The following JAK1 variants were observed in gnomAD, a reference collection of about 807,000 sequenced individuals.
JAK1 encodes the protein Janus kinase 1, also known as tyrosine-protein kinase JAK1.
JAK1 carries 16 observed loss-of-function variants against 136.6 expected under a neutral mutation model. That is an observed-to-expected ratio of 0.12 (90% confidence interval 0.08 to 0.18). The LOEUF (loss-of-function observed/expected upper bound fraction) is 0.18. JAK1 is among the 10% of genes least tolerant of loss of function. The pLI, the probability that JAK1 is intolerant of heterozygous loss-of-function variation, is 1.00. For synonymous variants in JAK1, 492 were observed against 519.5 expected (o/e 0.95, Z 0.72); for missense variants, 859 against 1,450.1 (o/e 0.59, Z 6.62).
intron 2 of JAK1, among the ~76,000 whole-genome samples, chr1:65,022,000 AG>A (rs1646942274): frequency 2.0e-5 from 3 of 152,198 alleles, no homozygotes; most frequent in African/African-American, 7.2e-5. Flanking sequence ...ACACAACGTT[AG>A]ACTGTGATAA....
intron 2 of JAK1, among the ~76,000 whole-genome samples, chr1:64,982,696 G>A (rs1646559736): frequency 6.6e-6 from 1 of 152,110 alleles, no homozygotes; most frequent in African/African-American, 2.4e-5. Flanking sequence ...TAGTTGTGTG[G>A]CTGTGAGTAG....
At chr1:64,960,339 T>A (rs1431615428) in intron 1 of JAK1, among the ~76,000 whole-genome samples, 1 of 152,250 alleles carries the variant, frequency 6.6e-6, no homozygotes, top group Admixed American at 6.5e-5. Context: ...AGGTAGGTAC[T>A]GTCTTTATTG....
chr1:64,845,455 C>A, intron 15 of JAK1, 58 bp downstream of exon 15: 2 of 1,602,710 alleles, frequency 1.2e-6, no homozygotes. Flanking sequence ...TTCCTGCCAC[C>A]CCTCCCAGGA....
At chr1:64,907,864 A>T (rs2100248152) in intron 1 of JAK1, among the ~76,000 whole-genome samples, 1 of 152,284 alleles carries the variant, frequency 6.6e-6, no homozygotes, top group South Asian at 2.1e-4. Context: ...ACTACTAAAA[A>T]GCAAAGTAGA....
chr1:64,913,655 A>AAGGAAGGAAGGAAGGAAGGAAGGAAG (rs1553168149), intron 1 of JAK1, among the ~76,000 whole-genome samples: 2 of 34,448 alleles, frequency 5.8e-5, no homozygotes, highest in Admixed American at 3.8e-4. Flanking sequence ...AAGGAAGGAA[A>AAGGAAGGAAGGAAGGAAGGAAGGAAG]GAAGGAAGGA....
intron 2 of JAK1, among the ~76,000 whole-genome samples, chr1:64,978,477 G>C (rs569253195): frequency 1.3e-5 from 2 of 152,262 alleles, no homozygotes; most frequent in South Asian, 2.1e-4. Context: ...CTAATTGAAG[G>C]CTTTCGTGGT....
At chr1:64,964,802 C>G (rs906179950) in intron 1 of JAK1, among the ~76,000 whole-genome samples, 6 of 152,164 alleles carry the variant, frequency 3.9e-5, no homozygotes, top group African/African-American at 1.4e-4. Flanking sequence ...GTCTTCACAT[C>G]TTTAAATGTG....
At chr1:64,918,560 G>A (rs1645438626) in intron 1 of JAK1, 1 of 163,272 alleles carries the variant, frequency 6.1e-6, no homozygotes, top group Admixed American at 6.3e-5. Context: ...TTTCAATCCA[G>A]ATGTTAGTTG....
intron 1 of JAK1, among the ~76,000 whole-genome samples, chr1:65,047,324 C>A (rs1647193129): frequency 6.6e-6 from 1 of 152,196 alleles, no homozygotes; most frequent in Non-Finnish European, 1.5e-5. Context: ...ACCTCAGTTT[C>A]CATATCTGTA....
chr1:65,013,693 C>A (rs1442434330), intron 2 of JAK1, among the ~76,000 whole-genome samples: 3 of 152,022 alleles, frequency 2.0e-5, no homozygotes, highest in Non-Finnish European at 4.4e-5. Context: ...TGAGAAGTTA[C>A]CCTCATCCTG....
chr1:65,042,844 G>A (rs1265848851), intron 2 of JAK1, among the ~76,000 whole-genome samples: 2 of 152,106 alleles, frequency 1.3e-5, no homozygotes, highest in Non-Finnish European at 2.9e-5. Flanking sequence ...CACCTCTATC[G>A]CATGGGCATC....
intron 2 of JAK1, among the ~76,000 whole-genome samples, chr1:65,035,871 A>G (rs1480509400): frequency 6.6e-6 from 1 of 152,220 alleles, no homozygotes; most frequent in African/African-American, 2.4e-5. Flanking sequence ...GCTCGAGACC[A>G]GCCTGGCCAA....
intron 2 of JAK1, among the ~76,000 whole-genome samples, chr1:64,987,832 C>T (rs1340393888): frequency 1.3e-5 from 2 of 152,142 alleles, no homozygotes; most frequent in Non-Finnish European, 2.9e-5. Context: ...ATGTTGTTCT[C>T]ACAGAAGATG....
intron 1 of JAK1, among the ~76,000 whole-genome samples, chr1:64,898,180 T>C (rs1645052632): frequency 6.6e-6 from 1 of 152,240 alleles, no homozygotes; most frequent in South Asian, 2.1e-4. Context: ...CTTGTCTTCC[T>C]GGTTGTCGCG....
chr1:64,911,187 T>C (rs943491478), intron 1 of JAK1, among the ~76,000 whole-genome samples: 1 of 152,172 alleles, frequency 6.6e-6, no homozygotes, highest in African/African-American at 2.4e-5. Context: ...AAATACTTAT[T>C]TGGTGAGGGA....
At chr1:65,063,804 C>CAAAAAAAAAAAAA (rs370192253) in intron 1 of JAK1, among the ~76,000 whole-genome samples, 7 of 81,308 alleles carry the variant, frequency 8.6e-5, no homozygotes, top group Admixed American at 1.3e-4. Flanking sequence ...GACTCTATCT[C>CAAAAAAAAAAAAA]AAAAAAAAAA....
chr1:65,026,706 T>C (rs1411006878), intron 2 of JAK1, among the ~76,000 whole-genome samples: 1 of 152,124 alleles, frequency 6.6e-6, no homozygotes, highest in Non-Finnish European at 1.5e-5. Context: ...GGCTCACACC[T>C]GTAATCCCAG....
chr1:64,964,957 T>A (rs1468216470), intron 1 of JAK1, among the ~76,000 whole-genome samples: 3 of 152,138 alleles, frequency 2.0e-5, no homozygotes, highest in East Asian at 3.9e-4. Context: ...AATCCCCTGG[T>A]CTTGGAAAAC....
At chr1:65,015,865 T>C (rs1234502073) in intron 2 of JAK1, among the ~76,000 whole-genome samples, 1 of 152,108 alleles carries the variant, frequency 6.6e-6, no homozygotes, top group East Asian at 1.9e-4. Flanking sequence ...TCCCAAAGAA[T>C]AGAAAGCGGG....
Sources: gnomAD v4.1 joint callset for allele counts (sites outside exome capture counted in the v4.1 genomes callset) on GRCh38, gnomAD v4.1.1 for gene constraint, MANE v1.5 for transcripts, NCBI Gene and HGNC (gene_info 2026-07-23, HGNC 2026-07-21) for gene names.